The following PTBP3 variants were observed in gnomAD, a reference collection of about 807,000 sequenced individuals.
PTBP3 encodes polypyrimidine tract-binding protein 3.
A neutral mutation model predicts 58.7 loss-of-function variants in PTBP3; 20 were observed. That is an observed-to-expected ratio of 0.34 (90% CI 0.24 to 0.50). The LOEUF (loss-of-function observed/expected upper bound fraction) is 0.50, where lower values mean the gene tolerates loss of function less well. Among genes scored for constraint, PTBP3 ranks in the 20% least tolerant of loss-of-function variants. The pLI is 0.98. For synonymous variants in PTBP3, 185 were observed against 219.8 expected (o/e 0.84, Z 1.40); for missense variants, 509 against 637.2 (o/e 0.80, Z 2.17).
At chr9:112,379,604 C>A in the PTBP3 span, among the ~76,000 whole-genome samples, 192 of 152,294 alleles carry the variant, frequency 1.3e-3, 3 homozygotes, top group East Asian at 0.036. Context: ...CGACGCTGGC[C>A]GACTTCAGCC....
chr9:112,268,264 A>G (rs1827194018), intron 3 of PTBP3, 69 bp from the exon 4 acceptor site: 1 of 1,518,926 alleles, frequency 6.6e-7, no homozygotes, highest in Middle Eastern at 1.8e-4. Context: ...ATATTTTGCC[A>G]TTCTAGCTTG....
At chr9:112,341,299 T>C in the PTBP3 span, among the ~76,000 whole-genome samples, 2 of 151,954 alleles carry the variant, frequency 1.3e-5, no homozygotes, top group African/African-American at 4.8e-5. Flanking sequence ...GCCTGGCTAA[T>C]TTTTGTATTT....
At chr9:112,343,908 A>G in the PTBP3 span, among the ~76,000 whole-genome samples, 1 of 152,018 alleles carries the variant, frequency 6.6e-6, no homozygotes, top group Non-Finnish European at 1.5e-5. Flanking sequence ...CCTTCAGTAA[A>G]GTACCTGTTC....
chr9:112,368,082 C>T, the PTBP3 span, among the ~76,000 whole-genome samples: 1 of 152,120 alleles, frequency 6.6e-6, no homozygotes, highest in Admixed American at 6.5e-5. Flanking sequence ...GCAAACTCTG[C>T]CTCCTGGATT....
At chr9:112,235,566 G>A (rs1342655746) in intron 7 of PTBP3, among the ~76,000 whole-genome samples, 1 of 152,184 alleles carries the variant, frequency 6.6e-6, no homozygotes, top group African/African-American at 2.4e-5. Flanking sequence ...GTCAGTTTTA[G>A]CAGACAAATG....
At chr9:112,327,844 T>C (rs772846946) in intron 1 of PTBP3, among the ~76,000 whole-genome samples, 5 of 151,642 alleles carry the variant, frequency 3.3e-5, no homozygotes, top group South Asian at 2.1e-4. Flanking sequence ...TAAGTTCCTG[T>C]ATAAGTATTC....
At chr9:112,256,408 G>T (rs909280233) in intron 5 of PTBP3, among the ~76,000 whole-genome samples, 1 of 150,914 alleles carries the variant, frequency 6.6e-6, no homozygotes, top group Non-Finnish European at 1.5e-5. Context: ...AATATACCTT[G>T]TCTTAATCAT....
intron 1 of PTBP3, among the ~76,000 whole-genome samples, chr9:112,331,120 CACACACG>C (rs1830353447): frequency 6.6e-6 from 1 of 151,028 alleles, no homozygotes; most frequent in East Asian, 2.0e-4. Context: ...CACACACACA[CACACACG>C]AGAGACAGTT....
the PTBP3 span, among the ~76,000 whole-genome samples, chr9:112,376,294 A>C: frequency 8.7e-6 from 1 of 114,698 alleles, no homozygotes; most frequent in Non-Finnish European, 1.6e-5. Flanking sequence ...TCGGTCTGTC[A>C]CCAGGCTGGA....
chr9:112,254,899 CA>C (rs1157786854), intron 5 of PTBP3, among the ~76,000 whole-genome samples: 1 of 152,026 alleles, frequency 6.6e-6, no homozygotes, highest in Non-Finnish European at 1.5e-5. Flanking sequence ...AACAGGGACT[CA>C]AAGAGATATG....
In PTBP3 at chr9:112,218,615, T is replaced by C. The variant is rs889882814; in HGVS notation, c.*5236A>G. ...CCATGCACTACGCATTTAGAAAATA[T>C]GTTTTTTAATATTTTATCTTCTCTT... is the stretch of plus-strand genomic sequence containing the variant. On this transcript the variant is annotated 3_prime_UTR_variant, in exon 14 of 14. Transcript: ENST00000374257. 1.3e-5 allele frequency: 2 copies of C among 152,660 alleles called. No individual in the cohort carries two copies. The highest frequency in any genetic ancestry group is 1.9e-4 in the East Asian group (1 of 5,206). 9.5% of individuals were successfully genotyped at this position (152,660 alleles called of 1,614,324 possible).
At chr9:112,332,814 G>C in intron 1 of PTBP3, 1 of 1,612,568 alleles carries the variant, frequency 6.2e-7, no homozygotes, top group East Asian at 2.2e-5. Flanking sequence ...GTTTCTTGGG[G>C]AGAGAGAAAG....
chr9:112,369,272 C>T, the PTBP3 span, among the ~76,000 whole-genome samples: 1 of 152,214 alleles, frequency 6.6e-6, no homozygotes, highest in Non-Finnish European at 1.5e-5. Context: ...GACAGACCCA[C>T]TGACAGCTTG....
intron 7 of PTBP3, among the ~76,000 whole-genome samples, chr9:112,239,521 C>A (rs73535729): frequency 0.077 from 11,615 of 151,798 alleles, 984 homozygotes; most frequent in African/African-American, 0.21. Flanking sequence ...CTTCAGGCCA[C>A]GAGTTCAAGA....
intron 1 of PTBP3, chr9:112,333,051 C>T (rs1008199498): frequency 2.4e-6 from 3 of 1,267,944 alleles, no homozygotes; most frequent in Non-Finnish European, 3.0e-6. Flanking sequence ...ACTCCCCCGG[C>T]AGGAGGACGC....
intron 11 of PTBP3, 152 bp from the exon 12 acceptor site, chr9:112,227,779 C>A: frequency 1.6e-6 from 1 of 615,962 alleles, no homozygotes; most frequent in Non-Finnish European, 2.8e-6. Flanking sequence ...CAAAAACCCT[C>A]AAGGAAATAT....
chr9:112,252,531 ATGG>A (rs2132082115), intron 6 of PTBP3, 144 bp downstream of exon 6: 2 of 633,140 alleles, frequency 3.2e-6, no homozygotes, highest in African/African-American at 1.9e-5. Flanking sequence ...AAAAAAAAAC[ATGG>A]AATCATACAC....
At chr9:112,290,982 G>C (rs1828393707) in intron 2 of PTBP3, among the ~76,000 whole-genome samples, 1 of 152,002 alleles carries the variant, frequency 6.6e-6, no homozygotes, top group Non-Finnish European at 1.5e-5. Flanking sequence ...AGCACCTTGG[G>C]AGGCCAAGGT....
chr9:112,294,694 T>C (rs1156285672), intron 2 of PTBP3, among the ~76,000 whole-genome samples: 2 of 152,220 alleles, frequency 1.3e-5, no homozygotes, highest in African/African-American at 4.8e-5. Context: ...ACAATCCATA[T>C]ATTTATATAC....
Sources: gnomAD v4.1 joint callset for allele counts (sites outside exome capture counted in the v4.1 genomes callset) on GRCh38, gnomAD v4.1.1 for gene constraint, MANE v1.5 for transcripts, NCBI Gene and HGNC (gene_info 2026-07-23, HGNC 2026-07-21) for gene names.